The following AGAP1 variants were observed in gnomAD, a reference collection of about 807,000 sequenced individuals.
AGAP1 encodes ArfGAP with GTPase domain, ankyrin repeat and PH domain 1.
In AGAP1, 29 loss-of-function variants were observed where a neutral mutation model predicts 105.3. The ratio of observed to expected loss-of-function variants is 0.28; its 90% CI spans 0.21 to 0.38. AGAP1 has a LOEUF of 0.38. AGAP1 is among the 10% of genes least tolerant of loss of function. AGAP1 has a pLI of 1.00. For synonymous variants in AGAP1, 509 were observed against 485.9 expected, an observed-to-expected ratio of 1.05 and a Z score of -0.63; for missense variants, 998 against 1,165.1, an observed-to-expected ratio of 0.86 and a Z score of 2.09.
chr2:236,043,524 C>T (rs1230857459), intron 15 of AGAP1, among the ~76,000 whole-genome samples: 3 of 152,110 alleles, frequency 2.0e-5, no homozygotes, highest in South Asian at 2.1e-4. Flanking sequence ...GTCAGGAGTT[C>T]GAGACCAGCC....
chr2:235,774,096 C>T, intron 6 of AGAP1: 1 of 416,702 alleles, frequency 2.4e-6, no homozygotes, highest in South Asian at 1.8e-5. Context: ...TACTGCCTTG[C>T]AATTAAATAT....
At chr2:235,592,703 A>G (rs1209942082) in intron 1 of AGAP1, among the ~76,000 whole-genome samples, 1 of 152,112 alleles carries the variant, frequency 6.6e-6, no homozygotes, top group East Asian at 1.9e-4. Flanking sequence ...ACATGGAGAT[A>G]TGGGCGCATC....
intron 3 of AGAP1, among the ~76,000 whole-genome samples, chr2:235,722,904 A>T (rs2149572569): frequency 6.6e-6 from 1 of 152,218 alleles, no homozygotes; most frequent in East Asian, 1.9e-4. Flanking sequence ...AAAAAAAAAA[A>T]ATTATACACA....
chr2:235,534,201 G>A (rs1485377697), intron 1 of AGAP1, among the ~76,000 whole-genome samples: 1 of 152,206 alleles, frequency 6.6e-6, no homozygotes, highest in Non-Finnish European at 1.5e-5. Context: ...CAAAGGGCTT[G>A]CCAGATGGTC....
At position 235,705,011 on chromosome 2, in the gene AGAP1, C is replaced by T. The variant is rs1278737284; in HGVS notation, c.164-4168C>T. 7.7e-6 allele frequency among the ~76,000 whole-genome samples: 1 copy of T among 130,310 alleles called. No individual in the cohort carries two copies. Among genetic ancestry groups the T allele is most frequent in the Non-Finnish European group, 1.6e-5 (1 of 63,502 alleles). The allele number at this position is 130,310 out of a possible 152,430, so 85.5% of individuals were successfully genotyped here. A position where few individuals can be genotyped will look rare whatever the true frequency, so the allele number is the denominator to read the frequency against. ...TTTTTTTTTTTGCGACAGAGTCTCA[C>T]TCTGTTGCCCAGGCTGGAGTGCAAT... On this transcript the variant is annotated intron_variant, in intron 1 of 17. Transcript: ENST00000304032. This position sits in a 1 kb window ranked among gnomAD's most constrained non-coding sequence, Gnocchi z 4.9.
Position 236,002,145 on chromosome 2 carries a change from T to C in AGAP1, c.1645+33522T>C, listed in dbSNP as rs1281101531. 6.6e-6 allele frequency among the ~76,000 whole-genome samples: 1 copy of C among 152,172 alleles called. No homozygotes were observed. Among genetic ancestry groups the C allele is most frequent in the Non-Finnish European group, 1.5e-5 (1 of 68,038 alleles). On this transcript the variant is annotated intron_variant, in intron 13 of 17. Coordinates refer to ENST00000304032, the MANE Select transcript of AGAP1 (RefSeq NM_001037131.3). This position sits in a 1 kb window ranked among gnomAD's most constrained non-coding sequence, Gnocchi z 4.3. The stretch of plus-strand genomic sequence containing the variant: ...AGAGCTGGCTTCCCCGCACAAGCAG[T>C]GCTACCAAGGGTCCATTTGTTACTG...
intron 1 of AGAP1, among the ~76,000 whole-genome samples, chr2:235,529,453 C>T (rs545811490): frequency 6.6e-6 from 1 of 152,282 alleles, no homozygotes; most frequent in South Asian, 2.1e-4. Flanking sequence ...GATCTTAGAG[C>T]CTGTGTGTGG....
At chr2:235,836,510 G>A (rs1259015062) in intron 9 of AGAP1, among the ~76,000 whole-genome samples, 1 of 152,206 alleles carries the variant, frequency 6.6e-6, no homozygotes, top group African/African-American at 2.4e-5. Context: ...CTTAAGTACA[G>A]GTTCACACTG....
Position 235,855,829 on chromosome 2 carries a change from G to A in AGAP1, c.1051-27516G>A, listed in dbSNP as rs2048662971. Among the ~76,000 whole-genome samples, 1 of 152,148 alleles carries A rather than the reference G, an allele frequency of 6.6e-6. No homozygotes were observed. The highest frequency in any genetic ancestry group is 1.9e-4 in the East Asian group (1 of 5,200). ...AGAGGAAATGCCTTGTTTACCCTAT[G>A]AGGTCTCTAGATGCACGGAGGCTAC... On this transcript the variant is annotated intron_variant, in intron 9 of 17. Coordinates refer to ENST00000304032, the MANE Select transcript of AGAP1 (RefSeq NM_001037131.3). This position sits in a 1 kb window ranked among gnomAD's most constrained non-coding sequence, Gnocchi z 5.0.
chr2:235,645,245 A>G (rs1360355617), intron 1 of AGAP1, among the ~76,000 whole-genome samples: 1 of 152,190 alleles, frequency 6.6e-6, no homozygotes, highest in Non-Finnish European at 1.5e-5. Flanking sequence ...TATGACAAAC[A>G]AAGTAGAATT....
intron 1 of AGAP1, among the ~76,000 whole-genome samples, chr2:235,604,993 G>A (rs1945879065): frequency 6.6e-6 from 1 of 151,946 alleles, no homozygotes; most frequent in Non-Finnish European, 1.5e-5. Flanking sequence ...CGATTCTCGT[G>A]CCTCAGCCTC....
In AGAP1 at chr2:235,971,180, AG is replaced by A. The variant is rs768089905; in HGVS notation, c.1645+2558del. On this transcript the variant is annotated intron_variant, in intron 13 of 17. Transcript: ENST00000304032. The surrounding 1 kb of genome is among the most constrained non-coding windows in gnomAD (Gnocchi z 4.8). ...AATAAGTCATAAGTTATTTATAAAA[AG>A]AAAATGTATCATTTTTCCCTAGGAA... Among the ~76,000 whole-genome samples the A allele has an allele frequency of 3.9e-5, 6 of 152,238 alleles. No homozygotes were observed. Among genetic ancestry groups the A allele is most frequent in the Non-Finnish European group, 8.8e-5 (6 of 68,052 alleles).
At chr2:235,730,770 T>C (rs1341744004) in intron 3 of AGAP1, among the ~76,000 whole-genome samples, 1 of 152,216 alleles carries the variant, frequency 6.6e-6, no homozygotes, top group East Asian at 1.9e-4. Flanking sequence ...TGGGAGATGC[T>C]GAAATATTCA....
chr2:235,949,667 G>T (rs2053649482), intron 12 of AGAP1, among the ~76,000 whole-genome samples: 1 of 152,132 alleles, frequency 6.6e-6, no homozygotes, highest in Non-Finnish European at 1.5e-5. Context: ...TGCTCTTTTT[G>T]CTAATATCAG....
rs114018364 is a variant in AGAP1 at position 235,734,846 on chromosome 2, C to T, written c.311-6117C>T. 6.6e-6 allele frequency among the ~76,000 whole-genome samples: 1 copy of T among 152,356 alleles called. No individual in the cohort carries two copies. The highest frequency in any genetic ancestry group is 1.5e-5 in the Non-Finnish European group (1 of 68,042). ...GAGGAGGCGTAAGAAGCAGTCAGAA[C>T]GTCTGGATTGGAGTCTTGGTCCTGC... is the stretch of plus-strand genomic sequence containing the variant. On this transcript the variant is annotated intron_variant, in intron 3 of 17. Transcript: ENST00000304032. This position sits in a 1 kb window ranked among gnomAD's most constrained non-coding sequence, Gnocchi z 5.3.
intron 16 of AGAP1, among the ~76,000 whole-genome samples, chr2:236,066,655 T>C (rs865837513): frequency 7.9e-5 from 12 of 152,256 alleles, no homozygotes; most frequent in South Asian, 2.1e-4. Context: ...ATTATTCTTT[T>C]AGCTTTTTAA....
intron 9 of AGAP1, among the ~76,000 whole-genome samples, chr2:235,822,324 C>G (rs1280772528): frequency 6.6e-6 from 1 of 152,144 alleles, no homozygotes; most frequent in Non-Finnish European, 1.5e-5. Flanking sequence ...GATTTTGAAA[C>G]TTGTTGGTTA....
intron 1 of AGAP1, among the ~76,000 whole-genome samples, chr2:235,628,647 G>A (rs921356805): frequency 2.0e-5 from 3 of 151,804 alleles, no homozygotes; most frequent in African/African-American, 4.8e-5. Context: ...ATAGGTTATT[G>A]GGGAACAGGT....
intron 6 of AGAP1, among the ~76,000 whole-genome samples, chr2:235,759,009 T>A (rs897459783): frequency 1.3e-5 from 2 of 151,948 alleles, no homozygotes; most frequent in Middle Eastern, 6.3e-3. Flanking sequence ...CCCAGCCTAG[T>A]CTCGAACTCC....
Sources: allele counts gnomAD v4.1 joint callset (sites outside exome capture counted in the v4.1 genomes callset), GRCh38; gene constraint gnomAD v4.1.1; non-coding constraint Gnocchi (gnomAD v3.1); transcripts MANE v1.5; gene names NCBI Gene and HGNC (gene_info 2026-07-23, HGNC 2026-07-21).